The following SLC13A3 variants were observed in gnomAD, a reference collection of about 807,000 sequenced individuals.
The protein encoded by SLC13A3 is solute carrier family 13 member 3.
A neutral mutation model predicts 59.0 loss-of-function variants in SLC13A3; 40 were observed. The observed-to-expected ratio is 0.68, with a 90% CI of 0.53 to 0.88. SLC13A3 has a LOEUF of 0.88. SLC13A3 is among the 40% of genes least tolerant of loss of function. The probability of loss-of-function intolerance (pLI) is 0.00; values close to 1 mark genes in which losing one functional copy is unlikely to be tolerated. For synonymous variants in SLC13A3, 317 were observed against 330.3 expected (o/e 0.96, Z 0.44); for missense variants, 699 against 783.2 (o/e 0.89, Z 1.28).
At chr20:46,560,793 C>G (rs59232259) in intron 12 of SLC13A3, among the ~76,000 whole-genome samples, 1 of 152,114 alleles carries the variant, frequency 6.6e-6, no homozygotes, top group Non-Finnish European at 1.5e-5. Flanking sequence ...CCCATCTGCT[C>G]CCTACCCTGG....
chr20:46,613,433 A>C, intron 2 of SLC13A3, 27 bp downstream of exon 2: 1 of 1,540,528 alleles, frequency 6.5e-7, no homozygotes, highest in Admixed American at 1.9e-5. Flanking sequence ...TCTCCGCTGT[A>C]GGGCTGGAAC....
At chr20:46,634,434 C>T (rs2062775204) in intron 1 of SLC13A3, among the ~76,000 whole-genome samples, 1 of 152,122 alleles carries the variant, frequency 6.6e-6, no homozygotes, top group African/African-American at 2.4e-5. Context: ...TCTGAGACAG[C>T]AGCTAGGGGC....
intron 9 of SLC13A3, among the ~76,000 whole-genome samples, 199 bp from the exon 10 acceptor site, chr20:46,575,884 A>AT (rs2062071261): frequency 6.6e-6 from 1 of 152,178 alleles, no homozygotes; most frequent in Non-Finnish European, 1.5e-5. Context: ...CCCAGTGAAA[A>AT]TAATTGTCAT....
upstream of SLC13A3, among the ~76,000 whole-genome samples, chr20:46,671,997 G>A (rs2063095433): frequency 6.6e-6 from 1 of 152,204 alleles, no homozygotes; most frequent in Non-Finnish European, 1.5e-5. Flanking sequence ...CCACTAAACA[G>A]GTCAACAAAC....
intron 1 of SLC13A3, among the ~76,000 whole-genome samples, chr20:46,644,129 G>A (rs746692523): frequency 3.9e-5 from 6 of 152,156 alleles, no homozygotes; most frequent in African/African-American, 7.2e-5. Context: ...GCTCATCTCC[G>A]CCCTGCCCCT....
chr20:46,608,763 T>C lies in SLC13A3; in HGVS notation c.541+1683A>G, dbSNP rs535419657. The C allele has an allele frequency of 8.2e-6, 10 of 1,225,814 alleles. No individual in the cohort carries two copies. In the South Asian group the frequency reaches 1.6e-4, roughly 19 times the overall value. The allele number at this position is 1,225,814 out of a possible 1,614,324, so 75.9% of individuals were successfully genotyped here. Reference sequence around the variant, plus strand: ...TAATTCATATTTTAAAAACTAGAACTAGCACACAAAACCTATGGTTTCATG... The same window carrying C: ...TAATTCATATTTTAAAAACTAGAACCAGCACACAAAACCTATGGTTTCATG... On this transcript the variant is annotated intron_variant, in intron 3 of 12. Transcript: ENST00000279027.
At chr20:46,596,409 T>C (rs543757243) in intron 4 of SLC13A3, 67 bp from the exon 5 acceptor site, 2 of 1,445,098 alleles carry the variant, frequency 1.4e-6, no homozygotes, top group African/African-American at 1.4e-5. Flanking sequence ...TGCCTGGGAG[T>C]TGGGGAGCTA....
At chr20:46,665,264 T>G (rs1038444695) in intron 1 of SLC13A3, among the ~76,000 whole-genome samples, 14 of 146,342 alleles carry the variant, frequency 9.6e-5, no homozygotes, top group Non-Finnish European at 1.9e-4. Context: ...AGACACTGTC[T>G]CAAAAAAAAA....
At chr20:46,591,115 C>T (rs768130080) in intron 6 of SLC13A3, among the ~76,000 whole-genome samples, 26 of 151,724 alleles carry the variant, frequency 1.7e-4, no homozygotes, top group Non-Finnish European at 2.8e-4. Flanking sequence ...GGTTGCACTC[C>T]GACATGGTGC....
intron 5 of SLC13A3, among the ~76,000 whole-genome samples, chr20:46,594,610 T>G (rs1422035183): frequency 6.6e-6 from 1 of 152,216 alleles, no homozygotes; most frequent in East Asian, 1.9e-4. Flanking sequence ...CTGGTTTTTC[T>G]GTCACTGAGC....
intron 11 of SLC13A3, among the ~76,000 whole-genome samples, chr20:46,564,889 C>T (rs550218911): frequency 6.6e-6 from 1 of 152,258 alleles, no homozygotes; most frequent in African/African-American, 2.4e-5. Flanking sequence ...AATATTCTCC[C>T]GTCATTGAAA....
At chr20:46,636,350 A>G (rs1285458015) in intron 1 of SLC13A3, among the ~76,000 whole-genome samples, 5 of 152,304 alleles carry the variant, frequency 3.3e-5, no homozygotes, top group East Asian at 1.9e-4. Flanking sequence ...ACTGTCTGCC[A>G]TGTCCCCCTA....
upstream of SLC13A3, among the ~76,000 whole-genome samples, chr20:46,651,943 T>C (rs2062955203): frequency 6.6e-6 from 1 of 152,214 alleles, no homozygotes; most frequent in Non-Finnish European, 1.5e-5. Flanking sequence ...TGCGGGAACA[T>C]GGATGGAGCT....
At chr20:46,636,796 T>A (rs895652452) in intron 1 of SLC13A3, among the ~76,000 whole-genome samples, 4 of 128,294 alleles carry the variant, frequency 3.1e-5, no homozygotes, top group Non-Finnish European at 6.3e-5. Flanking sequence ...ACCCTTGACA[T>A]TTTTTTTTTC....
intron 10 of SLC13A3, among the ~76,000 whole-genome samples, chr20:46,569,477 T>C (rs2062011147): frequency 6.6e-6 from 1 of 152,196 alleles, no homozygotes; most frequent in Non-Finnish European, 1.5e-5. Context: ...TAGCTGTCAC[T>C]TAACTTCCTA....
At chr20:46,602,927 C>T (rs1018815385) in intron 3 of SLC13A3, among the ~76,000 whole-genome samples, 3 of 152,038 alleles carry the variant, frequency 2.0e-5, no homozygotes, top group Non-Finnish European at 4.4e-5. Flanking sequence ...GCCTGTAATC[C>T]CAGCACTTTG....
At chr20:46,585,000 A>G in intron 8 of SLC13A3, 1 of 357,782 alleles carries the variant, frequency 2.8e-6, no homozygotes. Context: ...CACCCTGTAA[A>G]TTTTATTTTG....
At chr20:46,586,497 T>A (rs909001120) in intron 8 of SLC13A3, among the ~76,000 whole-genome samples, 2 of 152,168 alleles carry the variant, frequency 1.3e-5, no homozygotes, top group African/African-American at 4.8e-5. Flanking sequence ...ACTCCCAAAT[T>A]TATACAATGA....
intron 4 of SLC13A3, among the ~76,000 whole-genome samples, chr20:46,598,415 G>C (rs1017791111): frequency 2.4e-4 from 37 of 152,180 alleles, no homozygotes; most frequent in Admixed American, 1.6e-3. Flanking sequence ...AGTTTATCTA[G>C]AGCAAACACT....
Sources: allele counts gnomAD v4.1 joint callset (sites outside exome capture counted in the v4.1 genomes callset), GRCh38; gene constraint gnomAD v4.1.1; transcripts MANE v1.5; gene names NCBI Gene and HGNC (gene_info 2026-07-23, HGNC 2026-07-21).